The following DISP3 variants were observed in gnomAD, a reference collection of about 807,000 sequenced individuals.
The protein encoded by DISP3 is dispatched RND transporter family member 3, also known as protein dispatched homolog 3.
In DISP3, 101 loss-of-function variants were observed where a neutral mutation model predicts 135.3. The ratio of observed to expected loss-of-function variants is 0.75; its 90% CI spans 0.64 to 0.88. DISP3 has a LOEUF of 0.88. Among genes scored for constraint, DISP3 ranks in the 40% least tolerant of loss-of-function variants. The pLI, the probability that DISP3 is intolerant of heterozygous loss-of-function variation, is 0.00. For missense variants in DISP3, 1,713 were observed against 1,878.6 expected (o/e 0.91, Z 1.63); for synonymous variants, 856 against 817.0 (o/e 1.05, Z -0.81).
At position 11,536,669 on chromosome 1, in the gene DISP3, G is replaced by A. The variant is rs533939192; in HGVS notation, c.4162G>A (p.Ala1388Thr). Residue 1388 changes from alanine to threonine, a missense_variant, in exon 21 of 21, where the codon GCA (alanine) becomes ACA (threonine). Physicochemically the swap from Ala to Thr is moderately conservative, Grantham distance 58. This residue lies in a region of DISP3 where 1,142 missense variants were observed against 1,384.6 expected (regional missense o/e 0.82). Transcript: ENST00000294484. The surrounding 1 kb of genome is among the most constrained non-coding windows in gnomAD (Gnocchi z 4.3). ...LQSGYKIPLP[A>T]GASL The stretch of plus-strand genomic sequence containing the variant: ...GAGCGGCTATAAGATTCCCCTGCCC[G>A]CAGGGGCCTCCCTATAGCCCGGGAC... 1.1e-5 allele frequency: 18 copies of A among 1,576,278 alleles called. No individual in the cohort carries two copies. Among genetic ancestry groups the A allele is most frequent in the East Asian group, 4.7e-5 (2 of 42,720 alleles).
intron 1 of DISP3, among the ~76,000 whole-genome samples, chr1:11,486,715 T>C (rs2100358074): frequency 6.6e-6 from 1 of 152,216 alleles, no homozygotes; most frequent in Non-Finnish European, 1.5e-5. Flanking sequence ...AAGCTCTCTG[T>C]CATCCAGGCT....
intron 10 of DISP3, among the ~76,000 whole-genome samples, chr1:11,523,678 A>C (rs892563896): frequency 4.0e-5 from 6 of 151,078 alleles, no homozygotes; most frequent in African/African-American, 1.5e-4. Context: ...AGTGGCACAG[A>C]GAGGGCGAGC....
intron 20 of DISP3, 24 bp downstream of exon 20, chr1:11,535,668 CA>C (rs753822572): frequency 8.1e-6 from 13 of 1,597,138 alleles, no homozygotes; most frequent in Non-Finnish European, 1.1e-5. Context: ...CCGCCTTACC[CA>C]CTTCCCACCA....
At chr1:11,530,030 G>A in intron 15 of DISP3, 71 bp downstream of exon 15, 4 of 1,561,822 alleles carry the variant, frequency 2.6e-6, no homozygotes, top group Non-Finnish European at 3.5e-6. Flanking sequence ...CACCTGTCCA[G>A]GGAACCATGT....
At position 11,526,893 on chromosome 1, in the gene DISP3, T is replaced by TTCTCTCTTTTC. The variant is rs1642436950; in HGVS notation, c.2798+70_2798+80dup. The TTCTCTCTTTTC allele has an allele frequency of 1.3e-5, 20 of 1,522,884 alleles. No homozygotes were observed. In the South Asian group the frequency reaches 1.9e-4, roughly 14 times the overall value. 94.3% of individuals were successfully genotyped at this position (1,522,884 alleles called of 1,614,324 possible). A position where few individuals can be genotyped will look rare whatever the true frequency, so the allele number is the denominator to read the frequency against. ...TCAGCCCGGCTGCTTCTTTGCCCTT[T>TTCTCTCTTTTC]TCTCTCTTTTCTCTCTCTTTTCACA... is the stretch of plus-strand genomic sequence containing the variant. On this transcript the variant is annotated intron_variant, in intron 13 of 20. Transcript: ENST00000294484.
intron 4 of DISP3, 103 bp from the exon 5 acceptor site, chr1:11,515,266 T>A: frequency 1.4e-6 from 2 of 1,439,516 alleles, no homozygotes; most frequent in Non-Finnish European, 1.9e-6. Flanking sequence ...GTGACCAGGG[T>A]TGGGGAGAAG....
chr1:11,504,869 AT>A (rs979939366), intron 3 of DISP3, among the ~76,000 whole-genome samples: 1 of 152,238 alleles, frequency 6.6e-6, no homozygotes, highest in Non-Finnish European at 1.5e-5. Flanking sequence ...TTATAGCAAC[AT>A]AAATCAGACT....
At chr1:11,492,121 C>CAAAAAA (rs59755389) in intron 1 of DISP3, among the ~76,000 whole-genome samples, 3 of 62,138 alleles carry the variant, frequency 4.8e-5, no homozygotes, top group Non-Finnish European at 6.2e-5. Context: ...GACTCCGTCT[C>CAAAAAA]AAAAAAAAAA....
rs1400659948 is a variant in DISP3, at chr1:11,499,771, C to T, written c.-3-1219C>T. On this transcript the variant is annotated intron_variant, in intron 1 of 20. Coordinates refer to ENST00000294484, the MANE Select transcript of DISP3 (RefSeq NM_020780.2). This position sits in a 1 kb window ranked among gnomAD's most constrained non-coding sequence, Gnocchi z 5.2. ...CTCTGTCTCTGTCTCTGTTTCCCTC[C>T]TTCCGTCACCTCCTCTTGCTTACTT... Among the ~76,000 whole-genome samples, 1 of 152,184 alleles carries T rather than the reference C, an allele frequency of 6.6e-6. No individual in the cohort carries two copies. The highest frequency in any genetic ancestry group is 1.5e-5 in the Non-Finnish European group (1 of 68,020).
At position 11,536,829 on chromosome 1, in the gene DISP3, CAGAT is replaced by C; in HGVS notation, c.*144_*147del. On this transcript the variant is annotated 3_prime_UTR_variant, in exon 21 of 21. Coordinates refer to ENST00000294484, the MANE Select transcript of DISP3 (RefSeq NM_020780.2). The surrounding 1 kb of genome is among the most constrained non-coding windows in gnomAD (Gnocchi z 4.3). ...GCCAGCGTGGAGGCTGACACCCACA[CAGAT>C]GGTGTGGACCATGCTGCCTTGTGGA... is the stretch of plus-strand genomic sequence containing the variant. 1 of 1,127,818 alleles carries C rather than the reference CAGAT, an allele frequency of 8.9e-7. No individual in the cohort carries two copies. The highest frequency in any genetic ancestry group is 1.2e-6 in the Non-Finnish European group (1 of 822,218). 69.9% of individuals were successfully genotyped at this position (1,127,818 alleles called of 1,614,324 possible).
At chr1:11,507,040 T>G (rs1641723380) in intron 3 of DISP3, among the ~76,000 whole-genome samples, 1 of 152,186 alleles carries the variant, frequency 6.6e-6, no homozygotes. Context: ...ACTCCTGGCC[T>G]CAAGTGGTCC....
intron 5 of DISP3, 28 bp from the exon 6 acceptor site, chr1:11,515,973 G>A: frequency 1.2e-6 from 2 of 1,609,968 alleles, no homozygotes; most frequent in Non-Finnish European, 1.7e-6. Context: ...GAATAATCCT[G>A]AGCCTGGCTG....
At position 11,535,064 on chromosome 1, in the gene DISP3, G is replaced by C; in HGVS notation, c.3589G>C (p.Ala1197Pro). 2.5e-6 allele frequency: 4 copies of C among 1,607,830 alleles called. No individual in the cohort carries two copies. Among genetic ancestry groups the C allele is most frequent in the Non-Finnish European group, 3.4e-6 (4 of 1,178,304 alleles). ...GCTATCCCTGCTCATCTGCGTGGCC[G>C]CGGTGGCCGTGTTCACCACCCACAT... is the stretch of plus-strand genomic sequence containing the variant. ...LVLSLLICVAAVAVFTTHILL... is the reference protein window; with the variant it reads ...LVLSLLICVAPVAVFTTHILL... Residue 1197 changes from alanine to proline, a missense_variant, in exon 19 of 21, where the codon GCG becomes CCG. Ala to Pro is a conservative substitution (Grantham distance 27). Around this residue, in one of 2 missense-constraint regions of DISP3, gnomAD observed 1,142 missense variants for 1,384.6 expected, o/e 0.82. Transcript: ENST00000294484.
At position 11,531,679 on chromosome 1, in the gene DISP3, G is replaced by A. The variant is rs745939574; in HGVS notation, c.3344G>A (p.Arg1115His). The change falls in exon 17 of 21, where the codon CGC (arginine) becomes CAC (histidine). Residue 1115 changes from arginine (R) to histidine (H), a missense_variant. Arg to His is a conservative substitution (Grantham distance 29, BLOSUM62 0). This residue lies in a region of DISP3 where 1,142 missense variants were observed against 1,384.6 expected (regional missense o/e 0.82). Transcript: ENST00000294484. This position sits in a 1 kb window ranked among gnomAD's most constrained non-coding sequence, Gnocchi z 5.2. ...GGGGCAGTGGGCGTCAGGGAGGGCC[G>A]CGTGCAGTGGATCTCCATGGCTTTC... Reference protein sequence around the residue: ...SHGAVGVREGRVQWISMAFES... With the variant: ...SHGAVGVREGHVQWISMAFES... The A allele has an allele frequency of 8.7e-6, 14 of 1,610,326 alleles. No homozygotes were observed. Among genetic ancestry groups the A allele is most frequent in the Admixed American group, 5.0e-5 (3 of 59,766 alleles).
At chr1:11,530,776 G>GA in intron 15 of DISP3, 131 bp from the exon 16 acceptor site, 4 of 1,262,998 alleles carry the variant, frequency 3.2e-6, no homozygotes, top group Non-Finnish European at 4.5e-6. Flanking sequence ...AGCAGTTGCA[G>GA]GCTGCCAACA....
In DISP3 at chr1:11,531,423, T is replaced by C. The variant is rs573990725; in HGVS notation, c.3230-142T>C. On this transcript the variant is annotated intron_variant, in intron 16 of 20. Coordinates refer to ENST00000294484, the MANE Select transcript of DISP3 (RefSeq NM_020780.2). The surrounding 1 kb of genome is among the most constrained non-coding windows in gnomAD (Gnocchi z 5.2). Reference sequence around the variant, plus strand: ...GTTCCACCCCGATGGCAAATGCATGTTGTAGGTTTCCCAATGCCGTTGCCA... The same window carrying C: ...GTTCCACCCCGATGGCAAATGCATGCTGTAGGTTTCCCAATGCCGTTGCCA... 1 of 1,207,718 alleles carries C rather than the reference T, an allele frequency of 8.3e-7. No individual in the cohort carries two copies. The highest frequency in any genetic ancestry group is 1.5e-5 in the African/African-American group (1 of 66,566). 74.8% of individuals were successfully genotyped at this position (1,207,718 alleles called of 1,614,324 possible).
rs565130395 is a variant in DISP3 at position 11,488,763 on chromosome 1, A to C, written c.-4+9391A>C. On this transcript the variant is annotated intron_variant, in intron 1 of 20. Coordinates refer to ENST00000294484, the MANE Select transcript of DISP3 (RefSeq NM_020780.2). Reference sequence around the variant, plus strand: ...TGAGATTTTCAAACATGTAAGACTCAAATAAAATCTACCACAGTGAGAAGG... The same window carrying C: ...TGAGATTTTCAAACATGTAAGACTCCAATAAAATCTACCACAGTGAGAAGG... Among the ~76,000 whole-genome samples the C allele has an allele frequency of 6.6e-5, 10 of 152,316 alleles. No individual in the cohort carries two copies. In the East Asian group the frequency reaches 1.7e-3, roughly 26 times the overall value.
At chr1:11,496,395 A>G (rs550122991) in intron 1 of DISP3, among the ~76,000 whole-genome samples, 14 of 152,270 alleles carry the variant, frequency 9.2e-5, no homozygotes, top group African/African-American at 3.4e-4. Context: ...AGGCAGAGAG[A>G]AAGGGCATTG....
At chr1:11,489,451 T>C (rs1204101525) in intron 1 of DISP3, among the ~76,000 whole-genome samples, 1 of 152,232 alleles carries the variant, frequency 6.6e-6, no homozygotes, top group African/African-American at 2.4e-5. Flanking sequence ...TACGTGGCTA[T>C]TGGCTATTCA....
Sources: allele counts gnomAD v4.1 joint callset (sites outside exome capture counted in the v4.1 genomes callset), GRCh38; gene constraint gnomAD v4.1.1; regional missense constraint gnomAD v4.1.1; non-coding constraint Gnocchi (gnomAD v3.1); transcripts MANE v1.5; gene names NCBI Gene and HGNC (gene_info 2026-07-23, HGNC 2026-07-21).